Variants in RIMKLB observed in about 807,000 individuals in gnomAD.
RIMKLB encodes the protein ribosomal modification protein rimK like family member B.
RIMKLB carries 7 observed loss-of-function variants against 32.0 expected under a neutral mutation model. That is an observed-to-expected ratio of 0.22 (90% CI 0.12 to 0.41). RIMKLB has a LOEUF of 0.41. Among genes scored for constraint, RIMKLB ranks in the 10% least tolerant of loss-of-function variants. RIMKLB has a pLI of 1.00. For synonymous variants in RIMKLB, 172 were observed against 185.1 expected, an observed-to-expected ratio of 0.93 and a Z score of 0.57; for missense variants, 289 against 498.7, an observed-to-expected ratio of 0.58 and a Z score of 4.00.
chr12:8,685,638 C>A (rs1409264559), intron 1 of RIMKLB, among the ~76,000 whole-genome samples: 1 of 148,260 alleles, frequency 6.7e-6, no homozygotes, highest in Non-Finnish European at 1.5e-5. Context: ...TGCAGTGATG[C>A]CTGCTCTTTC....
intron 1 of RIMKLB, among the ~76,000 whole-genome samples, chr12:8,691,863 C>T (rs1942743248): frequency 6.6e-6 from 1 of 152,160 alleles, no homozygotes; most frequent in South Asian, 2.1e-4. Context: ...GTTCACTAAT[C>T]ATTCAAGGTG....
At position 8,773,513 on chromosome 12, in the gene RIMKLB, G is replaced by C; in HGVS notation, c.890G>C (p.Gly297Ala). 6.2e-7 allele frequency: 1 copy of C among 1,614,242 alleles called. No individual in the cohort carries two copies. Among genetic ancestry groups the C allele is most frequent in the African/African-American group, 1.3e-5 (1 of 75,062 alleles). ...FDKACNLDVA[G>A]IIADYAASLL... Reference sequence around the variant, plus strand: ...AAGGCTTGTAATCTAGATGTAGCTGGTATCATAGCAGACTATGCCGCCTCC... The same window carrying C: ...AAGGCTTGTAATCTAGATGTAGCTGCTATCATAGCAGACTATGCCGCCTCC... Residue 297 changes from glycine (G) to alanine (A), a missense_variant, in exon 6 of 6, where the codon GGT becomes GCT. Gly to Ala is a moderately conservative substitution (Grantham distance 60, BLOSUM62 0). Transcript: ENST00000535829.
upstream of RIMKLB, among the ~76,000 whole-genome samples, chr12:8,677,154 A>G (rs1942348020): frequency 6.6e-6 from 1 of 152,200 alleles, no homozygotes; most frequent in South Asian, 2.1e-4. Context: ...CCTGTAGTAC[A>G]GGAAAAGCTC....
intron 2 of RIMKLB, among the ~76,000 whole-genome samples, chr12:8,733,528 C>G (rs1946733728): frequency 1.3e-5 from 2 of 152,158 alleles, no homozygotes; most frequent in South Asian, 4.1e-4. Context: ...AAGTGAGAAA[C>G]TAGAATAAGT....
intron 5 of RIMKLB, among the ~76,000 whole-genome samples, chr12:8,771,422 A>G (rs370798029): frequency 2.6e-5 from 4 of 152,204 alleles, no homozygotes; most frequent in East Asian, 1.9e-4. Flanking sequence ...CAACATTATA[A>G]CAAAAGACTA....
At chr12:8,703,778 G>A (rs868392865) in intron 1 of RIMKLB, among the ~76,000 whole-genome samples, 29 of 152,260 alleles carry the variant, frequency 1.9e-4, no homozygotes, top group Middle Eastern at 3.4e-3. Flanking sequence ...CTAGAACAGC[G>A]TCACTGCCAA....
chr12:8,699,950 C>T (rs992037076), intron 1 of RIMKLB: 2 of 152,248 alleles, frequency 1.3e-5, no homozygotes, highest in African/African-American at 4.8e-5. Flanking sequence ...AGCGTTTAAT[C>T]TTTAGCCGGT....
chr12:8,678,314 C>A (rs1044618646), upstream of RIMKLB, among the ~76,000 whole-genome samples: 3 of 151,192 alleles, frequency 2.0e-5, no homozygotes, highest in African/African-American at 7.3e-5. Context: ...CCACACCTGG[C>A]CGGTCTTTCT....
At chr12:8,731,711 A>G (rs1946564647) in intron 2 of RIMKLB, among the ~76,000 whole-genome samples, 1 of 152,112 alleles carries the variant, frequency 6.6e-6, no homozygotes. Context: ...CATCTTATAT[A>G]TGTAGAATAG....
chr12:8,731,572 A>G (rs778523233), intron 2 of RIMKLB, among the ~76,000 whole-genome samples: 4 of 152,158 alleles, frequency 2.6e-5, no homozygotes, highest in Non-Finnish European at 5.9e-5. Context: ...ATTGGTAAAC[A>G]ATCTTTGCTG....
the RIMKLB span, among the ~76,000 whole-genome samples, chr12:8,671,304 G>A: frequency 6.6e-6 from 1 of 151,724 alleles, no homozygotes; most frequent in East Asian, 1.9e-4. Context: ...AGGCTGGAGT[G>A]CAATGACACG....
chr12:8,685,723 C>A (rs1339164303), intron 1 of RIMKLB, among the ~76,000 whole-genome samples: 29 of 152,038 alleles, frequency 1.9e-4, no homozygotes, highest in Admixed American at 1.8e-3. Context: ...CGGCTCACTG[C>A]AACCTCCGCC....
chr12:8,717,965 A>G (rs1945028232), intron 2 of RIMKLB, among the ~76,000 whole-genome samples: 1 of 152,148 alleles, frequency 6.6e-6, no homozygotes, highest in African/African-American at 2.4e-5. Flanking sequence ...CTGTTGTAGC[A>G]CTGTCCTTGG....
In RIMKLB at chr12:8,777,049, C is replaced by CT; in HGVS notation, c.*3266dup. The stretch of plus-strand genomic sequence containing the variant: ...TATTTGGCTGGTGAGACACGATCCC[C>CT]TCCTAAGAAAATGTAGGTGCTCAGA... On this transcript the variant is annotated 3_prime_UTR_variant, in exon 6 of 6. Transcript: ENST00000535829. 2.0e-6 allele frequency: 2 copies of CT among 985,728 alleles called. No homozygotes were observed. Among genetic ancestry groups the CT allele is most frequent in the Non-Finnish European group, 2.4e-6 (2 of 829,918 alleles). 61.1% of individuals were successfully genotyped at this position (985,728 alleles called of 1,614,324 possible).
intron 2 of RIMKLB, among the ~76,000 whole-genome samples, chr12:8,734,984 C>G (rs1946865783): frequency 6.6e-6 from 1 of 152,092 alleles, no homozygotes; most frequent in Admixed American, 6.6e-5. Flanking sequence ...AGAAATTTCA[C>G]TTCAGGGGAA....
intron 1 of RIMKLB, among the ~76,000 whole-genome samples, chr12:8,684,955 T>C (rs1236907821): frequency 1.3e-5 from 2 of 152,236 alleles, no homozygotes; most frequent in African/African-American, 2.4e-5. Context: ...TGCTCATCAC[T>C]GATATATAGG....
At chr12:8,679,893 C>T (rs999926148), upstream of RIMKLB, among the ~76,000 whole-genome samples, 2 of 152,166 alleles carry the variant, frequency 1.3e-5, no homozygotes, top group Non-Finnish European at 2.9e-5. Context: ...ACCTACGGGT[C>T]TACATTCCCA....
chr12:8,733,799 G>C (rs1002204724), intron 2 of RIMKLB, among the ~76,000 whole-genome samples: 1 of 152,206 alleles, frequency 6.6e-6, no homozygotes, highest in Non-Finnish European at 1.5e-5. Context: ...TAGGAGGATT[G>C]ATTGAGCACA....
downstream of RIMKLB, among the ~76,000 whole-genome samples, chr12:8,781,084 T>TA (rs567945099): frequency 1.3e-5 from 2 of 152,386 alleles, no homozygotes; most frequent in South Asian, 2.1e-4. Flanking sequence ...CTCACGCCTG[T>TA]AATCCTAACA....
Sources: gnomAD v4.1 joint callset for allele counts (sites outside exome capture counted in the v4.1 genomes callset) on GRCh38, gnomAD v4.1.1 for gene constraint, MANE v1.5 for transcripts, NCBI Gene and HGNC (gene_info 2026-07-23, HGNC 2026-07-21) for gene names.